ILKAP: variants seen among roughly 807,000 people sequenced by gnomAD.
The protein encoded by ILKAP is integrin-linked kinase-associated serine/threonine phosphatase 2C.
A neutral mutation model predicts 49.1 loss-of-function variants in ILKAP; 11 were observed. That is an observed-to-expected ratio of 0.22 (90% CI 0.14 to 0.37). The LOEUF is 0.37. Ranked by LOEUF, ILKAP falls within the 10% of genes least tolerant of loss-of-function variation. The pLI is 1.00. For synonymous variants in ILKAP, 186 were observed against 192.8 expected (o/e 0.96, Z 0.29); for missense variants, 363 against 510.8 (o/e 0.71, Z 2.79).
intron 9 of ILKAP, among the ~76,000 whole-genome samples, chr2:238,177,202 G>C (rs1310899402): frequency 6.6e-6 from 1 of 152,160 alleles, no homozygotes. Context: ...ATACTGGAAA[G>C]AATCAAGAAA....
intron 1 of ILKAP, 52 bp from the exon 2 acceptor site, chr2:238,194,922 A>G (rs886450092): frequency 1.4e-6 from 2 of 1,420,856 alleles, no homozygotes; most frequent in Admixed American, 1.7e-5. Flanking sequence ...CCCAGGACAG[A>G]TTTTCAAAGA....
chr2:238,202,655 A>G (rs1481172720), intron 1 of ILKAP, among the ~76,000 whole-genome samples: 1 of 152,160 alleles, frequency 6.6e-6, no homozygotes, highest in African/African-American at 2.4e-5. Context: ...ATAAGGCCCT[A>G]AACTACAACA....
In ILKAP at chr2:238,191,945, G is replaced by C. The variant is rs534541583; in HGVS notation, c.179-1973C>G. ...AAAAAGAAAAAGGCCAGGCGCAGCG[G>C]CTCATGCCTGTAATCCCAGCACTTT... On this transcript the variant is annotated intron_variant, in intron 3 of 11. Transcript: ENST00000254654. Among the ~76,000 whole-genome samples the C allele has an allele frequency of 2.4e-4, 37 of 151,364 alleles. 2 individuals are homozygous for C. The highest frequency in any genetic ancestry group is 4.4e-5 in the Non-Finnish European group (3 of 67,876).
chr2:238,200,200 AC>A, intron 1 of ILKAP, among the ~76,000 whole-genome samples: 1 of 128,834 alleles, frequency 7.8e-6, no homozygotes, highest in Middle Eastern at 4.2e-3. Flanking sequence ...ATGAACAAAC[AC>A]TTTTTTTTAG....
Position 238,184,353 on chromosome 2 carries a change from C to T in ILKAP, c.533-240G>A, listed in dbSNP as rs144555929. Among the ~76,000 whole-genome samples, 17 of 152,212 alleles carry T rather than the reference C, an allele frequency of 1.1e-4. No individual in the cohort carries two copies. In the East Asian group the frequency reaches 2.1e-3, roughly 19 times the overall value. ...TACAGGCGCGCGCAACCATGCCAGG[C>T]TAATTTTTGTGTTTTTAGTAGAGAC... On this transcript the variant is annotated intron_variant, in intron 6 of 11. Transcript: ENST00000254654.
chr2:238,188,401 G>C (rs933572786), intron 4 of ILKAP, 144 bp from the exon 5 acceptor site: 3 of 922,388 alleles, frequency 3.3e-6, no homozygotes, highest in East Asian at 2.7e-5. Flanking sequence ...TACCCCTTAA[G>C]GCATCTCCCC....
chr2:238,181,964 A>T, intron 9 of ILKAP, 101 bp downstream of exon 9: 1 of 1,263,322 alleles, frequency 7.9e-7, no homozygotes. Context: ...CGTCACACTG[A>T]AGACTACGTA....
chr2:238,202,907 C>T lies in ILKAP; in HGVS notation c.55+592G>A, dbSNP rs538672843. Among the ~76,000 whole-genome samples, 3 of 150,284 alleles carry T rather than the reference C, an allele frequency of 2.0e-5. No homozygotes were observed. In the South Asian group the frequency reaches 6.3e-4, roughly 32 times the overall value. On this transcript the variant is annotated intron_variant, in intron 1 of 11. Transcript: ENST00000254654. Reference sequence around the variant, plus strand: ...GACCAGAAAAAAAAAAAAAAAACTACTGTTAATTATCACAAAATCACAGGA... The same window carrying T: ...GACCAGAAAAAAAAAAAAAAAACTATTGTTAATTATCACAAAATCACAGGA...
chr2:238,171,939 T>C (rs1025806489), intron 10 of ILKAP, among the ~76,000 whole-genome samples: 3 of 152,196 alleles, frequency 2.0e-5, no homozygotes, highest in African/African-American at 7.2e-5. Flanking sequence ...TTTCCTGGCA[T>C]TGGGGGTGGG....
chr2:238,177,105 C>T (rs1693494896), intron 9 of ILKAP, among the ~76,000 whole-genome samples: 2 of 152,162 alleles, frequency 1.3e-5, no homozygotes, highest in Non-Finnish European at 2.9e-5. Flanking sequence ...TTAATCTTCT[C>T]AGAAAAATTC....
rs745965130 is a variant in ILKAP at position 238,170,515 on chromosome 2, C to T, written c.*21G>A. 21 of 1,577,876 alleles carry T rather than the reference C, an allele frequency of 1.3e-5. No homozygotes were observed. The East Asian group carries it at 3.4e-4, about 26-fold the overall frequency. The stretch of plus-strand genomic sequence containing the variant: ...ACCTTTTAAGTCAATACCATGCGTG[C>T]TCCTGGCCGCGCGCCACCCCTCAGT... On this transcript the variant is annotated 3_prime_UTR_variant, in exon 12 of 12. Coordinates refer to ENST00000254654, the MANE Select transcript of ILKAP (RefSeq NM_030768.3).
chr2:238,189,808 T>A (rs757043595), intron 4 of ILKAP, 45 bp downstream of exon 4: 1 of 1,590,872 alleles, frequency 6.3e-7, no homozygotes, highest in South Asian at 1.1e-5. Flanking sequence ...TGGGTTGTTT[T>A]AAAATATGAA....
chr2:238,179,106 A>G (rs1416999282), intron 9 of ILKAP, among the ~76,000 whole-genome samples: 1 of 152,172 alleles, frequency 6.6e-6, no homozygotes, highest in Non-Finnish European at 1.5e-5. Context: ...CCCAGCCTGG[A>G]TTTTGGCTCT....
chr2:238,183,386 A>G lies in ILKAP; in HGVS notation c.714+267T>C, dbSNP rs1279139841. ...CAGCATCACACACACAAACCACGGG[A>G]GGAAAAAAGAAACAAAAAAGACGGG... On this transcript the variant is annotated intron_variant, in intron 8 of 11. Transcript: ENST00000254654. Among the ~76,000 whole-genome samples the G allele has an allele frequency of 2.0e-5, 3 of 152,192 alleles. No homozygotes were observed. The East Asian group carries it at 5.8e-4, about 29-fold the overall frequency.
At chr2:238,192,377 C>A (rs1210544323) in intron 3 of ILKAP, among the ~76,000 whole-genome samples, 1 of 152,056 alleles carries the variant, frequency 6.6e-6, no homozygotes, top group Admixed American at 6.6e-5. Context: ...ACATAATCAA[C>A]TTTTGTAAAT....
chr2:238,194,247 A>C, intron 3 of ILKAP, 28 bp downstream of exon 3: 3 of 1,600,858 alleles, frequency 1.9e-6, no homozygotes, highest in Non-Finnish European at 2.6e-6. Flanking sequence ...TATTTCCATC[A>C]GCACCTTGGA....
In ILKAP at chr2:238,170,506, C is replaced by T. The variant is rs377299766; in HGVS notation, c.*30G>A. On this transcript the variant is annotated 3_prime_UTR_variant, in exon 12 of 12. Transcript: ENST00000254654. ...ACAAAATGAACCTTTTAAGTCAATACCATGCGTGCTCCTGGCCGCGCGCCA... is the reference window on the plus strand; with the variant it reads ...ACAAAATGAACCTTTTAAGTCAATATCATGCGTGCTCCTGGCCGCGCGCCA... The T allele has an allele frequency of 7.0e-6, 11 of 1,571,364 alleles. No individual in the cohort carries two copies. The highest frequency in any genetic ancestry group is 9.5e-6 in the Non-Finnish European group (11 of 1,152,678).
chr2:238,201,872 T>C (rs533052977), intron 1 of ILKAP, among the ~76,000 whole-genome samples: 2 of 152,334 alleles, frequency 1.3e-5, no homozygotes, highest in Admixed American at 1.3e-4. Context: ...TGAAAATGAA[T>C]GGCTGAGTCA....
At chr2:238,178,691 G>C (rs1693570526) in intron 9 of ILKAP, among the ~76,000 whole-genome samples, 3 of 152,184 alleles carry the variant, frequency 2.0e-5, no homozygotes, top group Admixed American at 2.0e-4. Context: ...TGCATGTCTT[G>C]AGTGGACATA....
Sources: gnomAD v4.1 joint callset for allele counts (sites outside exome capture counted in the v4.1 genomes callset) on GRCh38, gnomAD v4.1.1 for gene constraint, MANE v1.5 for transcripts, NCBI Gene and HGNC (gene_info 2026-07-23, HGNC 2026-07-21) for gene names.